The following NLRP5 variants were observed in gnomAD, a reference collection of about 807,000 sequenced individuals.
The protein encoded by NLRP5 is NACHT, LRR and PYD domains-containing protein 5.
A neutral mutation model predicts 113.1 loss-of-function variants in NLRP5; 93 were observed. The ratio of observed to expected loss-of-function variants is 0.82; its 90% CI spans 0.70 to 0.98. NLRP5 has a LOEUF of 0.98. NLRP5 is among the 50% of genes least tolerant of loss of function. The pLI is 0.00. For synonymous variants in NLRP5, 751 were observed against 600.7 expected, an observed-to-expected ratio of 1.25 and a Z score of -3.66; for missense variants, 1,808 against 1,514.3, an observed-to-expected ratio of 1.19 and a Z score of -3.22.
In NLRP5 at chr19:56,003,945, C is replaced by G. The variant is rs1255066720; in HGVS notation, c.292C>G (p.Gln98Glu). 1 of 1,613,910 alleles carries G rather than the reference C, an allele frequency of 6.2e-7. No homozygotes were observed. Among genetic ancestry groups the G allele is most frequent in the African/African-American group, 1.3e-5 (1 of 74,932 alleles). The change falls in exon 2 of 15, where the codon CAG (glutamine) becomes GAG (glutamate). Residue 98 changes from glutamine to glutamate, a missense_variant. Transcript: ENST00000390649. ...AGAATCGACCACATGCTCTATTCCA[C>G]AGTTTGAAATCGAGAATGCCAACGT... is the stretch of plus-strand genomic sequence containing the variant.
chr19:55,996,687 A>G (rs1981336061), upstream of NLRP5, among the ~76,000 whole-genome samples: 1 of 152,184 alleles, frequency 6.6e-6, no homozygotes, highest in Non-Finnish European at 1.5e-5. Flanking sequence ...ATGGCTGCAT[A>G]GTATTCCATG....
At chr19:56,046,304 T>C (rs1182389304) in intron 11 of NLRP5, among the ~76,000 whole-genome samples, 1 of 152,180 alleles carries the variant, frequency 6.6e-6, no homozygotes, top group East Asian at 1.9e-4. Flanking sequence ...CACTTGATCA[T>C]GGTGGATTAT....
chr19:56,043,823 C>T lies in NLRP5; in HGVS notation c.2957+2731C>T, dbSNP rs1026578246. On this transcript the variant is annotated intron_variant, in intron 11 of 14. Transcript: ENST00000390649. ...CGATCTCCTGACCTTGTGATTTGCC[C>T]TCCTCAGCCTCCCAAAGTGCTGGGA... Among the ~76,000 whole-genome samples, 50 of 151,606 alleles carry T rather than the reference C, an allele frequency of 3.3e-4. 1 individual carries two copies. The highest frequency in any genetic ancestry group is 1.1e-3 in the African/African-American group (47 of 41,380).
At chr19:56,033,969 T>C (rs1456009198) in intron 9 of NLRP5, among the ~76,000 whole-genome samples, 1 of 152,232 alleles carries the variant, frequency 6.6e-6, no homozygotes, top group African/African-American at 2.4e-5. Context: ...AAGGTCTCGT[T>C]TGGTTGCTCA....
In NLRP5 at chr19:56,028,243, T is replaced by C; in HGVS notation, c.2010T>C (p.Ser670=). 1 of 1,613,896 alleles carries C rather than the reference T, an allele frequency of 6.2e-7. No homozygotes were observed. The highest frequency in any genetic ancestry group is 8.5e-7 in the Non-Finnish European group (1 of 1,179,894). Residue 670 remains serine, a synonymous_variant, in exon 7 of 15, where the codon TCT becomes TCC. Coordinates refer to ENST00000390649, the MANE Select transcript of NLRP5 (RefSeq NM_153447.4). ...AGCAGAAGCTTCTGCACTGGGTCTC[T>C]CTGTTGGGTCAGCAGCCTAATGCCA...
At chr19:56,005,468 CATATTTAT>C (rs1377356459) in intron 2 of NLRP5, among the ~76,000 whole-genome samples, 11 of 140,750 alleles carry the variant, frequency 7.8e-5, no homozygotes, top group East Asian at 2.0e-4. Context: ...TACACACACA[CATATTTAT>C]ACACACACAC....
rs1446841713 is a variant in NLRP5, at chr19:56,040,950, G to A, written c.2815G>A (p.Gly939Ser). ...GGAGGACTGTGGCATCACAGCCACGGGTTGCCAGAGTCTGGCCTCAGCCCT... is the reference window on the plus strand; with the variant it reads ...GGAGGACTGTGGCATCACAGCCACGAGTTGCCAGAGTCTGGCCTCAGCCCT... Residue 939 changes from glycine to serine, a missense_variant, in exon 11 of 15, where the codon GGT becomes AGT. Gly to Ser is a moderately conservative substitution (Grantham distance 56). Coordinates refer to ENST00000390649, the MANE Select transcript of NLRP5 (RefSeq NM_153447.4). 6.2e-7 allele frequency: 1 copy of A among 1,613,778 alleles called. No individual in the cohort carries two copies. Among genetic ancestry groups the A allele is most frequent in the Non-Finnish European group, 8.5e-7 (1 of 1,179,860 alleles).
the NLRP5 span, among the ~76,000 whole-genome samples, chr19:55,994,481 T>TAG: frequency 6.6e-6 from 1 of 152,210 alleles, no homozygotes; most frequent in East Asian, 1.9e-4. Flanking sequence ...CACTGTAACC[T>TAG]CCAACTCCCT....
chr19:56,041,380 G>A (rs1983516875), intron 11 of NLRP5, among the ~76,000 whole-genome samples: 1 of 152,182 alleles, frequency 6.6e-6, no homozygotes, highest in South Asian at 2.1e-4. Context: ...GAACCAGCCA[G>A]CATGGAGCCA....
chr19:56,001,340 CAAAA>C (rs1032640874), intron 1 of NLRP5, among the ~76,000 whole-genome samples: 2 of 140,634 alleles, frequency 1.4e-5, no homozygotes, highest in African/African-American at 5.2e-5. Context: ...AAAAAACAAA[CAAAA>C]AACACCACAG....
chr19:56,008,559 A>G (rs145974191), intron 2 of NLRP5, among the ~76,000 whole-genome samples: 20 of 152,302 alleles, frequency 1.3e-4, no homozygotes, highest in African/African-American at 4.1e-4. Context: ...GCCATCCAGC[A>G]AAACGGCCAG....
At chr19:56,010,070 GAAAC>G (rs1982122141) in intron 3 of NLRP5, among the ~76,000 whole-genome samples, 1 of 152,168 alleles carries the variant, frequency 6.6e-6, no homozygotes, top group Admixed American at 6.6e-5. Context: ...TAGTAGGACT[GAAAC>G]AAACCTGACA....
chr19:56,022,749 A>AG (rs535667137), intron 6 of NLRP5, among the ~76,000 whole-genome samples: 94 of 152,144 alleles, frequency 6.2e-4, no homozygotes, highest in African/African-American at 2.2e-3. Context: ...TTTGAGACTG[A>AG]GTTTAGCTCT....
intron 13 of NLRP5, 64 bp from the exon 14 acceptor site, chr19:56,058,176 C>G: frequency 8.2e-7 from 1 of 1,216,810 alleles, no homozygotes; most frequent in Non-Finnish European, 1.1e-6. Flanking sequence ...GAAATTCATA[C>G]GGGTTGAATG....
chr19:56,051,068 G>T (rs745808288), intron 12 of NLRP5, among the ~76,000 whole-genome samples: 5 of 152,218 alleles, frequency 3.3e-5, no homozygotes, highest in Non-Finnish European at 7.3e-5. Context: ...AGTCATCCCT[G>T]TTAGTGGTTT....
chr19:56,061,295 G>A, intron 14 of NLRP5, 101 bp from the exon 15 acceptor site: 2 of 1,330,800 alleles, frequency 1.5e-6, no homozygotes, highest in Non-Finnish European at 1.0e-6. Context: ...AAGAGTACAA[G>A]AAAAGGTTTG....
intron 3 of NLRP5, among the ~76,000 whole-genome samples, chr19:56,010,597 A>G (rs60383096): frequency 0.02 from 2,970 of 151,100 alleles, 89 homozygotes; most frequent in African/African-American, 0.068. Flanking sequence ...ATACAGGAAA[A>G]AAAAAACTAG....
At chr19:56,058,472 G>A in intron 14 of NLRP5, 62 bp downstream of exon 14, 1 of 1,460,988 alleles carries the variant, frequency 6.8e-7, no homozygotes, top group Non-Finnish European at 9.3e-7. Context: ...CTTGTTAGCT[G>A]GTGGAGAAGC....
chr19:56,042,005 C>T (rs112244518), intron 11 of NLRP5, among the ~76,000 whole-genome samples: 6 of 152,044 alleles, frequency 3.9e-5, no homozygotes, highest in African/African-American at 1.4e-4. Context: ...CCAACAAACA[C>T]GGCACTAAAT....
Sources: allele counts gnomAD v4.1 joint callset (sites outside exome capture counted in the v4.1 genomes callset), GRCh38; gene constraint gnomAD v4.1.1; transcripts MANE v1.5; gene names NCBI Gene and HGNC (gene_info 2026-07-23, HGNC 2026-07-21).